Variants in GRID2 observed in about 807,000 individuals in gnomAD.
GRID2 encodes glutamate receptor ionotropic, delta-2.
GRID2 carries 33 observed loss-of-function variants against 114.8 expected under a neutral mutation model. The observed-to-expected ratio is 0.29, with a 90% CI of 0.22 to 0.38. The LOEUF is 0.38. GRID2 is among the 10% of genes least tolerant of loss of function. The pLI, the probability that GRID2 is intolerant of heterozygous loss-of-function variation, is 1.00. For missense variants in GRID2, 1,184 were observed against 1,257.7 expected, an observed-to-expected ratio of 0.94 and a Z score of 0.89; for synonymous variants, 505 against 449.9, an observed-to-expected ratio of 1.12 and a Z score of -1.55.
intron 3 of GRID2, among the ~76,000 whole-genome samples, chr4:93,102,161 C>T (rs1055016258): frequency 1.1e-4 from 17 of 152,230 alleles, no homozygotes; most frequent in Non-Finnish European, 7.4e-5. Context: ...GAACAGCTGC[C>T]TTGCCTCTGT....
At chr4:92,411,653 GTGTA>G (rs1423144521) in intron 1 of GRID2, among the ~76,000 whole-genome samples, 13 of 98,824 alleles carry the variant, frequency 1.3e-4, no homozygotes, top group African/African-American at 2.4e-4. Flanking sequence ...GTGTGTGTGT[GTGTA>G]TATATATATA....
intron 1 of GRID2, among the ~76,000 whole-genome samples, chr4:92,497,556 G>A (rs942569127): frequency 2.0e-5 from 3 of 151,780 alleles, no homozygotes; most frequent in African/African-American, 7.2e-5. Flanking sequence ...ATCTTTTACA[G>A]CATTACTTAG....
At chr4:92,976,497 TTATATA>T (rs914768883) in intron 2 of GRID2, among the ~76,000 whole-genome samples, 2 of 151,956 alleles carry the variant, frequency 1.3e-5, no homozygotes, top group Admixed American at 1.3e-4. Flanking sequence ...ACTCTTGATT[TTATATA>T]TATATACCCT....
chr4:93,486,518 T>C (rs1726422144), intron 11 of GRID2, among the ~76,000 whole-genome samples: 3 of 151,844 alleles, frequency 2.0e-5, no homozygotes, highest in South Asian at 4.1e-4. Context: ...CTTTTTAAAG[T>C]TTCCAATTTG....
At chr4:92,968,845 C>A (rs1578633037) in intron 2 of GRID2, among the ~76,000 whole-genome samples, 2 of 151,734 alleles carry the variant, frequency 1.3e-5, no homozygotes, top group African/African-American at 4.8e-5. Context: ...TTACTATAAT[C>A]AAAAACTTGT....
chr4:93,332,267 C>CAT lies in GRID2; in HGVS notation c.1246-63340_1246-63339insAT, dbSNP rs1560508584. Among the ~76,000 whole-genome samples, 505 of 134,026 alleles carry CAT rather than the reference C, an allele frequency of 3.8e-3. 7 individuals are homozygous for CAT. Among genetic ancestry groups the CAT allele is most frequent in the African/African-American group, 0.014 (476 of 34,460 alleles). The allele number at this position is 134,026 out of a possible 152,430, so 87.9% of individuals were successfully genotyped here. On this transcript the variant is annotated intron_variant, in intron 8 of 15. Transcript: ENST00000282020. ...CAGAAAAAGAGTGTGTGTGTGTGTGCGTGTGTGTGTGTGTGTGTGTGTGTG... is the reference window on the plus strand; with the variant it reads ...CAGAAAAAGAGTGTGTGTGTGTGTGCATGTGTGTGTGTGTGTGTGTGTGTGTG...
chr4:93,631,848 C>A (rs1189634721), intron 14 of GRID2, among the ~76,000 whole-genome samples: 1 of 152,136 alleles, frequency 6.6e-6, no homozygotes, highest in Non-Finnish European at 1.5e-5. Flanking sequence ...TAAAAGTGTT[C>A]CTATTTCTCC....
chr4:92,555,205 C>T (rs1726792606), intron 1 of GRID2, among the ~76,000 whole-genome samples: 1 of 152,026 alleles, frequency 6.6e-6, no homozygotes, highest in Non-Finnish European at 1.5e-5. Flanking sequence ...GTTTCCCTCA[C>T]TGAGTGAATA....
intron 1 of GRID2, among the ~76,000 whole-genome samples, chr4:92,485,502 C>T (rs1722841491): frequency 1.3e-5 from 2 of 150,766 alleles, no homozygotes; most frequent in Admixed American, 1.3e-4. Context: ...GAGTTCAAGA[C>T]TAGCCTGTAA....
chr4:92,995,079 T>A (rs1755120521), intron 2 of GRID2, among the ~76,000 whole-genome samples: 1 of 152,190 alleles, frequency 6.6e-6, no homozygotes, highest in Non-Finnish European at 1.5e-5. Flanking sequence ...TCTCACAAGT[T>A]CTATTTCAGA....
intron 12 of GRID2, among the ~76,000 whole-genome samples, chr4:93,496,752 A>G (rs1727586857): frequency 6.6e-6 from 1 of 151,874 alleles, no homozygotes; most frequent in African/African-American, 2.4e-5. Flanking sequence ...GTATGGATGT[A>G]CCACAGTTGG....
chr4:92,409,629 A>G (rs1731201220), intron 1 of GRID2, among the ~76,000 whole-genome samples: 1 of 152,210 alleles, frequency 6.6e-6, no homozygotes. Flanking sequence ...CCGAACATAC[A>G]ATAATAAGTA....
At chr4:92,886,613 A>G (rs1746383017) in intron 2 of GRID2, among the ~76,000 whole-genome samples, 1 of 151,716 alleles carries the variant, frequency 6.6e-6, no homozygotes, top group Admixed American at 6.6e-5. Flanking sequence ...ATTTTATTTA[A>G]TTTAATTTTA....
At chr4:93,453,491 GAT>G (rs1380598992) in intron 10 of GRID2, among the ~76,000 whole-genome samples, 1 of 151,996 alleles carries the variant, frequency 6.6e-6, no homozygotes, top group Admixed American at 6.6e-5. Context: ...TTTGTTTATA[GAT>G]ATATGACAAG....
intron 1 of GRID2, among the ~76,000 whole-genome samples, chr4:92,571,713 C>T (rs1215418508): frequency 6.6e-6 from 1 of 152,198 alleles, no homozygotes; most frequent in South Asian, 2.1e-4. Flanking sequence ...CAAACTAGAA[C>T]TCAGGATTAA....
At chr4:92,714,977 C>T (rs2149312933) in intron 2 of GRID2, among the ~76,000 whole-genome samples, 1 of 152,372 alleles carries the variant, frequency 6.6e-6, no homozygotes, top group Non-Finnish European at 1.5e-5. Context: ...CTGCAGCCAA[C>T]TTGAATTTCT....
chr4:93,612,158 G>A (rs936784220), intron 13 of GRID2, among the ~76,000 whole-genome samples: 6 of 151,290 alleles, frequency 4.0e-5, no homozygotes, highest in African/African-American at 1.5e-4. Flanking sequence ...GTTTTCCATT[G>A]GTTTGGTAGA....
chr4:93,441,373 C>T (rs570568685), intron 10 of GRID2, among the ~76,000 whole-genome samples: 2 of 151,976 alleles, frequency 1.3e-5, no homozygotes, highest in South Asian at 4.2e-4. Context: ...TTCTAGTCTA[C>T]GTTAGTCTGG....
chr4:92,941,136 A>T (rs908589690), intron 2 of GRID2, among the ~76,000 whole-genome samples: 1 of 152,226 alleles, frequency 6.6e-6, no homozygotes, highest in Non-Finnish European at 1.5e-5. Flanking sequence ...TAGTTTCAGA[A>T]GGAATGGTAC....
Sources: allele counts gnomAD v4.1 joint callset (sites outside exome capture counted in the v4.1 genomes callset), GRCh38; gene constraint gnomAD v4.1.1; transcripts MANE v1.5; gene names NCBI Gene and HGNC (gene_info 2026-07-23, HGNC 2026-07-21).